The following FGF18 variants were observed in gnomAD, a reference collection of about 807,000 sequenced individuals.
The protein encoded by FGF18 is fibroblast growth factor 18.
FGF18 carries 5 observed loss-of-function variants against 23.0 expected under a neutral mutation model. The ratio of observed to expected loss-of-function variants is 0.22; its 90% confidence interval spans 0.11 to 0.46. The LOEUF is 0.46. Among genes scored for constraint, FGF18 ranks in the 20% least tolerant of loss-of-function variants. FGF18 has a pLI of 0.99. For missense variants in FGF18, 180 were observed against 291.6 expected (o/e 0.62, Z 2.79); for synonymous variants, 117 against 118.9 (o/e 0.98, Z 0.10).
At chr5:171,455,861 T>C (rs964959963) in intron 4 of FGF18, among the ~76,000 whole-genome samples, 7 of 152,174 alleles carry the variant, frequency 4.6e-5, no homozygotes, top group African/African-American at 1.4e-4. Flanking sequence ...CATTGGGCTA[T>C]CTGGGTGGAG....
In FGF18 at chr5:171,435,864, T is replaced by C. The variant is rs552222308; in HGVS notation, c.70-229T>C. Among the ~76,000 whole-genome samples the C allele has an allele frequency of 1.5e-4, 23 of 152,296 alleles. No individual in the cohort carries two copies. The East Asian group carries it at 2.7e-3, about 18-fold the overall frequency. The stretch of plus-strand genomic sequence containing the variant: ...ATAGACCTAGGCCTGATTCTTAGCT[T>C]TGCCACTTTCTGGCTGGGCCACCTT... On this transcript the variant is annotated intron_variant, in intron 2 of 4. Transcript: ENST00000274625.
intron 2 of FGF18, among the ~76,000 whole-genome samples, chr5:171,427,206 G>GAA (rs569204143): frequency 2.3e-5 from 3 of 131,304 alleles, no homozygotes; most frequent in Non-Finnish European, 4.9e-5. Flanking sequence ...CTCCATCTGG[G>GAA]AAAAAAAAAA....
intron 2 of FGF18, among the ~76,000 whole-genome samples, chr5:171,422,333 C>T (rs757597699): frequency 2.6e-5 from 4 of 152,154 alleles, no homozygotes; most frequent in Non-Finnish European, 5.9e-5. Flanking sequence ...CCTCTCCCCA[C>T]CACCTCCACC....
At chr5:171,452,899 G>A (rs985442446) in intron 4 of FGF18, among the ~76,000 whole-genome samples, 1 of 152,112 alleles carries the variant, frequency 6.6e-6, no homozygotes, top group Non-Finnish European at 1.5e-5. Flanking sequence ...CAGTCCAGGG[G>A]GTAGTTCTAG....
At chr5:171,423,731 T>C (rs1772054245) in intron 2 of FGF18, among the ~76,000 whole-genome samples, 1 of 151,740 alleles carries the variant, frequency 6.6e-6, no homozygotes, top group South Asian at 2.1e-4. Context: ...ACAGTGTCCT[T>C]TGGTGCAAAA....
chr5:171,432,707 C>T (rs980152158), intron 2 of FGF18, among the ~76,000 whole-genome samples: 3 of 152,206 alleles, frequency 2.0e-5, no homozygotes, highest in South Asian at 4.1e-4. Flanking sequence ...TGAGCCACTG[C>T]GACCAGCCTA....
intron 4 of FGF18, among the ~76,000 whole-genome samples, chr5:171,452,651 C>T (rs1175596539): frequency 6.6e-6 from 1 of 152,104 alleles, no homozygotes; most frequent in African/African-American, 2.4e-5. Context: ...TTCCCCATCT[C>T]TGGAGACGCA....
rs1185052505 is a variant in FGF18 at position 171,440,676 on chromosome 5, C to A, written c.250+4403C>A. On this transcript the variant is annotated intron_variant, in intron 3 of 4. Coordinates refer to ENST00000274625, the MANE Select transcript of FGF18 (RefSeq NM_003862.3). The surrounding 1 kb of genome is among the most constrained non-coding windows in gnomAD (Gnocchi z 4.0). ...TCTCCCTGAGCCTCGGTTTCCCCAC[C>A]TGTAATGTGGGTGGGGTAAAGGGTG... 6.6e-6 allele frequency among the ~76,000 whole-genome samples: 1 copy of A among 152,176 alleles called. No homozygotes were observed. Among genetic ancestry groups the A allele is most frequent in the Non-Finnish European group, 1.5e-5 (1 of 68,030 alleles).
rs768218166 is a variant in FGF18 at position 171,434,620 on chromosome 5, A to C, written c.70-1473A>C. Among the ~76,000 whole-genome samples, 1 of 152,184 alleles carries C rather than the reference A, an allele frequency of 6.6e-6. No individual in the cohort carries two copies. Among genetic ancestry groups the C allele is most frequent in the Non-Finnish European group, 1.5e-5 (1 of 68,038 alleles). On this transcript the variant is annotated intron_variant, in intron 2 of 4. Coordinates refer to ENST00000274625, the MANE Select transcript of FGF18 (RefSeq NM_003862.3). This position sits in a 1 kb window ranked among gnomAD's most constrained non-coding sequence, Gnocchi z 4.6. ...CAGGAATGGCTCAGCCTTGTGGTTG[A>C]CATGGGATAGGACATGCATACAACC...
chr5:171,456,773 T>A lies in FGF18; in HGVS notation c.592T>A (p.Ser198Thr). Reference protein sequence around the residue: ...PFKYTTVTKRSRRIRPTHPA With the variant: ...PFKYTTVTKRTRRIRPTHPA ...CAAGTACACGACGGTGACCAAGAGG[T>A]CCCGTCGGATCCGGCCCACACACCC... is the stretch of plus-strand genomic sequence containing the variant. The change falls in exon 5 of 5, where the codon TCC becomes ACC. Residue 198 changes from serine to threonine, a missense_variant. Around this residue, in one of 3 missense-constraint regions of FGF18, gnomAD observed 40 missense variants for 41.4 expected, o/e 0.97. Coordinates refer to ENST00000274625, the MANE Select transcript of FGF18 (RefSeq NM_003862.3). This position sits in a 1 kb window ranked among gnomAD's most constrained non-coding sequence, Gnocchi z 6.1. 5.6e-6 allele frequency: 9 copies of A among 1,613,602 alleles called. No individual in the cohort carries two copies. Among genetic ancestry groups the A allele is most frequent in the Non-Finnish European group, 6.8e-6 (8 of 1,179,902 alleles).
chr5:171,451,723 C>T lies in FGF18; in HGVS notation c.357+2470C>T, dbSNP rs1297481882. ...AGGCCCTGGGGAGCCTCCCCGGGCA[C>T]ATGGATTCCTTATGCTCCAGATGCG... On this transcript the variant is annotated intron_variant, in intron 4 of 4. Coordinates refer to ENST00000274625, the MANE Select transcript of FGF18 (RefSeq NM_003862.3). This position sits in a 1 kb window ranked among gnomAD's most constrained non-coding sequence, Gnocchi z 4.5. Among the ~76,000 whole-genome samples, 1 of 152,172 alleles carries T rather than the reference C, an allele frequency of 6.6e-6. No homozygotes were observed. Among genetic ancestry groups the T allele is most frequent in the African/African-American group, 2.4e-5 (1 of 41,454 alleles).
chr5:171,450,334 C>T (rs1409378570), intron 4 of FGF18, among the ~76,000 whole-genome samples: 3 of 152,184 alleles, frequency 2.0e-5, no homozygotes, highest in African/African-American at 7.2e-5. Flanking sequence ...AGATCCCAGC[C>T]AGGGCATTGT....
chr5:171,454,084 C>T (rs1772550131), intron 4 of FGF18, among the ~76,000 whole-genome samples: 1 of 152,040 alleles, frequency 6.6e-6, no homozygotes, highest in Non-Finnish European at 1.5e-5. Flanking sequence ...TCTGTTGGGG[C>T]ATGGGGAGGA....
intron 2 of FGF18, among the ~76,000 whole-genome samples, chr5:171,422,813 C>T (rs1380808450): frequency 2.0e-5 from 3 of 152,300 alleles, no homozygotes; most frequent in African/African-American, 4.8e-5. Flanking sequence ...GGGCTCAGGG[C>T]TTTGCAATCC....
intron 2 of FGF18, among the ~76,000 whole-genome samples, chr5:171,431,711 G>T (rs1021109893): frequency 6.6e-6 from 1 of 152,124 alleles, no homozygotes; most frequent in African/African-American, 2.4e-5. Flanking sequence ...GTGACAAAAG[G>T]CACCTTGTTT....
At position 171,439,707 on chromosome 5, in the gene FGF18, C is replaced by G. The variant is rs562258960; in HGVS notation, c.250+3434C>G. 2.0e-5 allele frequency among the ~76,000 whole-genome samples: 3 copies of G among 152,204 alleles called. No individual in the cohort carries two copies. In the East Asian group the frequency reaches 5.8e-4, roughly 29 times the overall value. ...GCCCTTGAGGTGGATGTCCCTAAGC[C>G]TGGGATGTGACGAGATGGGGAAGGC... On this transcript the variant is annotated intron_variant, in intron 3 of 4. Transcript: ENST00000274625.
In FGF18 at chr5:171,457,000, C is replaced by T. The variant is rs958450743; in HGVS notation, c.*195C>T. The T allele has an allele frequency of 9.2e-5, 63 of 683,492 alleles. No individual in the cohort carries two copies. In the African/African-American group the frequency reaches 9.9e-4, roughly 11 times the overall value. 42.3% of individuals were successfully genotyped at this position (683,492 alleles called of 1,614,324 possible). Reference sequence around the variant, plus strand: ...GATTTTATTGTTGACTTGAAACCCCCGATGACAAAAGACTCACGCAAAGGG... The same window carrying T: ...GATTTTATTGTTGACTTGAAACCCCTGATGACAAAAGACTCACGCAAAGGG... On this transcript the variant is annotated 3_prime_UTR_variant, in exon 5 of 5. Coordinates refer to ENST00000274625, the MANE Select transcript of FGF18 (RefSeq NM_003862.3). This position sits in a 1 kb window ranked among gnomAD's most constrained non-coding sequence, Gnocchi z 6.1.
In FGF18 at chr5:171,456,568, C is replaced by T. The variant is rs376349121; in HGVS notation, c.387C>T (p.Phe129=). The change falls in exon 5 of 5, where the codon TTC becomes TTT. Residue 129 remains phenylalanine, a synonymous_variant. Transcript: ENST00000274625. The surrounding 1 kb of genome is among the most constrained non-coding windows in gnomAD (Gnocchi z 6.1). ...ATGGCACCAGCAAGGAGTGTGTGTT[C>T]ATCGAGAAGGTTCTGGAGAACAACT... ...KPDGTSKECV[F]IEKVLENNYT... The T allele has an allele frequency of 3.7e-5, 59 of 1,613,894 alleles. No individual in the cohort carries two copies. The highest frequency in any genetic ancestry group is 4.7e-5 in the Non-Finnish European group (56 of 1,179,946).
At chr5:171,439,145 C>T (rs1772297739) in intron 3 of FGF18, among the ~76,000 whole-genome samples, 1 of 152,194 alleles carries the variant, frequency 6.6e-6, no homozygotes, top group Non-Finnish European at 1.5e-5. Flanking sequence ...TGTGGGTGGG[C>T]ACGAGGGGCT....
Sources: gnomAD v4.1 joint callset for allele counts (sites outside exome capture counted in the v4.1 genomes callset) on GRCh38, gnomAD v4.1.1 for gene constraint, gnomAD v4.1.1 regional missense constraint, Gnocchi (gnomAD v3.1) non-coding constraint, MANE v1.5 for transcripts, NCBI Gene and HGNC (gene_info 2026-07-23, HGNC 2026-07-21) for gene names.